Variants in TMC1 observed in about 807,000 individuals in gnomAD.
TMC1 encodes transmembrane channel-like protein 1.
TMC1 carries 84 observed loss-of-function variants against 105.8 expected under a neutral mutation model. The observed-to-expected ratio is 0.79, with a 90% CI of 0.67 to 0.95. The LOEUF (loss-of-function observed/expected upper bound fraction) is 0.95. Among genes scored for constraint, TMC1 ranks in the 40% least tolerant of loss-of-function variants. The pLI, the probability that TMC1 is intolerant of heterozygous loss-of-function variation, is 0.00. For missense variants in TMC1, 817 were observed against 914.1 expected (o/e 0.89, Z 1.37); for synonymous variants, 315 against 311.5 (o/e 1.01, Z -0.12).
At chr9:72,613,934 A>G (rs1825078746) in intron 2 of TMC1, among the ~76,000 whole-genome samples, 1 of 152,126 alleles carries the variant, frequency 6.6e-6, no homozygotes. Context: ...CCTTTTCATT[A>G]TATTCTTCTG....
chr9:72,556,891 C>T (rs1468580580), intron 1 of TMC1, among the ~76,000 whole-genome samples: 1 of 152,006 alleles, frequency 6.6e-6, no homozygotes, highest in Admixed American at 6.6e-5. Context: ...TCCAAGGGGA[C>T]ATTTGACAAT....
intron 5 of TMC1, among the ~76,000 whole-genome samples, chr9:72,662,716 G>GA (rs1825986987): frequency 2.0e-5 from 3 of 151,814 alleles, no homozygotes; most frequent in Admixed American, 2.0e-4. Context: ...GCTTTTTCAA[G>GA]AAAAAAATGA....
At chr9:72,642,871 C>T (rs1327456203) in intron 4 of TMC1, among the ~76,000 whole-genome samples, 1 of 152,182 alleles carries the variant, frequency 6.6e-6, no homozygotes, top group East Asian at 1.9e-4. Context: ...CTCGTCTCCC[C>T]TCCAAAATTC....
intron 8 of TMC1, among the ~76,000 whole-genome samples, chr9:72,704,091 G>C (rs1174701843): frequency 1.3e-5 from 2 of 152,138 alleles, no homozygotes; most frequent in African/African-American, 2.4e-5. Flanking sequence ...ACCAATGCTT[G>C]GGAGTGAGGC....
At chr9:72,689,824 G>A (rs867221682) in intron 6 of TMC1, among the ~76,000 whole-genome samples, 3 of 152,050 alleles carry the variant, frequency 2.0e-5, no homozygotes, top group Admixed American at 6.6e-5. Context: ...TTCACCCTAT[G>A]TGTGTCCTTA....
chr9:72,820,855 T>G lies in TMC1; in HGVS notation c.1777T>G (p.Phe593Val). 6.2e-7 allele frequency: 1 copy of G among 1,614,188 alleles called. No individual in the cohort carries two copies. The highest frequency in any genetic ancestry group is 8.5e-7 in the Non-Finnish European group (1 of 1,180,024). ...TTTTCTTTCTAGGATGGGCTCCTTC[T>G]TTGCTCCCAGCCTCCCAGGCATCAA... ...NQGMIWMGSF[F>V]APSLPGINIL... Residue 593 changes from phenylalanine (F) to valine (V), a missense_variant, in exon 20 of 24, where the codon TTT becomes GTT. Physicochemically the swap from Phe to Val is conservative, Grantham distance 50 (BLOSUM62 -1). Coordinates refer to ENST00000297784, the MANE Select transcript of TMC1 (RefSeq NM_138691.3).
rs142298856 is a variant in TMC1, at chr9:72,667,636, G to A, written c.16+18972G>A. Among the ~76,000 whole-genome samples the A allele has an allele frequency of 9.4e-3, 1,425 of 152,222 alleles. 18 individuals are homozygous for A. Among genetic ancestry groups the A allele is most frequent in the Middle Eastern group, 0.014 (4 of 294 alleles). On this transcript the variant is annotated intron_variant, in intron 5 of 23. Coordinates refer to ENST00000297784, the MANE Select transcript of TMC1 (RefSeq NM_138691.3). ...GCTTAAAATTGAGATAATAACACACGCACCAGTTGGGTTTCTCTGAGAACT... is the reference window on the plus strand; with the variant it reads ...GCTTAAAATTGAGATAATAACACACACACCAGTTGGGTTTCTCTGAGAACT...
At chr9:72,566,427 T>C (rs1824154538) in intron 1 of TMC1, among the ~76,000 whole-genome samples, 3 of 135,628 alleles carry the variant, frequency 2.2e-5, no homozygotes, top group African/African-American at 8.1e-5. Flanking sequence ...AAGAAGTCAC[T>C]CCATAGGGAC....
Position 72,661,759 on chromosome 9 carries a change from A to AT in TMC1, c.16+13100dup, listed in dbSNP as rs1825972899. Among the ~76,000 whole-genome samples, 3 of 151,296 alleles carry AT rather than the reference A, an allele frequency of 2.0e-5. No homozygotes were observed. In the South Asian group the frequency reaches 6.2e-4, roughly 31 times the overall value. ...TTTCCTTTTATACTTTTTAAAACAAATTTTTGAAATTAAATTACATTTTGT... is the reference window on the plus strand; with the variant it reads ...TTTCCTTTTATACTTTTTAAAACAAATTTTTTGAAATTAAATTACATTTTGT... On this transcript the variant is annotated intron_variant, in intron 5 of 23. Transcript: ENST00000297784.
intron 1 of TMC1, among the ~76,000 whole-genome samples, chr9:72,529,457 GA>G (rs1484313348): frequency 4.6e-5 from 7 of 152,006 alleles, no homozygotes; most frequent in Non-Finnish European, 1.0e-4. Flanking sequence ...CTCTAAAAAA[GA>G]AAAATTCTGC....
At chr9:72,524,746 A>G (rs1823377621) in intron 1 of TMC1, among the ~76,000 whole-genome samples, 1 of 152,320 alleles carries the variant, frequency 6.6e-6, no homozygotes, top group Non-Finnish European at 1.5e-5. Flanking sequence ...TTTAAGTCCT[A>G]GAATTATAAA....
At chr9:72,656,779 C>CT (rs1019613099) in intron 5 of TMC1, among the ~76,000 whole-genome samples, 1 of 152,058 alleles carries the variant, frequency 6.6e-6, no homozygotes, top group Non-Finnish European at 1.5e-5. Context: ...TGTTGGATTT[C>CT]TTTTTTTTCC....
chr9:72,523,632 G>A (rs984264211), intron 1 of TMC1, among the ~76,000 whole-genome samples: 16 of 149,620 alleles, frequency 1.1e-4, no homozygotes, highest in Non-Finnish European at 1.6e-4. Flanking sequence ...GAAGGAGGAG[G>A]GGGAGAGAGA....
intron 2 of TMC1, among the ~76,000 whole-genome samples, chr9:72,579,850 T>G (rs1315743311): frequency 6.6e-6 from 1 of 152,062 alleles, no homozygotes; most frequent in Non-Finnish European, 1.5e-5. Context: ...GGCATAACCC[T>G]GTCTCTACCA....
chr9:72,717,210 T>C (rs1826936437), intron 8 of TMC1, among the ~76,000 whole-genome samples: 1 of 152,240 alleles, frequency 6.6e-6, no homozygotes, highest in Admixed American at 6.5e-5. Flanking sequence ...TGTTTTGCCA[T>C]CTTGCCAGCA....
At chr9:72,565,962 C>G (rs1217804674) in intron 1 of TMC1, among the ~76,000 whole-genome samples, 1 of 152,180 alleles carries the variant, frequency 6.6e-6, no homozygotes, top group Admixed American at 6.5e-5. Flanking sequence ...CAAACTGTAT[C>G]AGTATGCCTG....
chr9:72,573,557 C>T (rs1049192478), intron 1 of TMC1, among the ~76,000 whole-genome samples: 6 of 152,162 alleles, frequency 3.9e-5, no homozygotes, highest in Non-Finnish European at 8.8e-5. Flanking sequence ...ACATACCTTG[C>T]TTTAAACCAT....
In TMC1 at chr9:72,601,450, C is replaced by G. The variant is rs1194950176; in HGVS notation, c.-305-14918C>G. On this transcript the variant is annotated intron_variant, in intron 2 of 23. Coordinates refer to ENST00000297784, the MANE Select transcript of TMC1 (RefSeq NM_138691.3). Reference sequence around the variant, plus strand: ...TTTGAAGTCAGGAGTTCAAGACCAGCCTGGCCAACATGGTGAAACCCCGTC... The same window carrying G: ...TTTGAAGTCAGGAGTTCAAGACCAGGCTGGCCAACATGGTGAAACCCCGTC... Among the ~76,000 whole-genome samples the G allele has an allele frequency of 2.6e-5, 4 of 152,136 alleles. No homozygotes were observed. In the East Asian group the frequency reaches 7.8e-4, roughly 30 times the overall value.
chr9:72,574,847 T>C (rs1478540478), intron 1 of TMC1, among the ~76,000 whole-genome samples: 1 of 152,150 alleles, frequency 6.6e-6, no homozygotes, highest in East Asian at 1.9e-4. Flanking sequence ...TTCACCCCCA[T>C]TGTTGAAATT....
Sources: allele counts gnomAD v4.1 joint callset (sites outside exome capture counted in the v4.1 genomes callset), GRCh38; gene constraint gnomAD v4.1.1; transcripts MANE v1.5; gene names NCBI Gene and HGNC (gene_info 2026-07-23, HGNC 2026-07-21).